The following HSF2 variants were observed in gnomAD, a reference collection of about 807,000 sequenced individuals.
HSF2 encodes the protein heat shock factor protein 2.
Under a neutral mutation model 65.0 loss-of-function variants are expected in HSF2, and 21 were observed. The observed-to-expected ratio is 0.32, with a 90% CI of 0.23 to 0.47. HSF2 has a LOEUF of 0.47. Among genes scored for constraint, HSF2 ranks in the 20% least tolerant of loss-of-function variants. The pLI is 1.00. For missense variants in HSF2, 499 were observed against 628.1 expected, an observed-to-expected ratio of 0.79 and a Z score of 2.20; for synonymous variants, 225 against 219.1, an observed-to-expected ratio of 1.03 and a Z score of -0.24.
intron 1 of HSF2, among the ~76,000 whole-genome samples, chr6:122,410,035 T>G (rs1368556560): frequency 6.6e-6 from 1 of 152,022 alleles, no homozygotes; most frequent in Non-Finnish European, 1.5e-5. Context: ...TCACTTCTTC[T>G]TTTGTACTAA....
At chr6:122,399,870 A>G in intron 1 of HSF2, 40 bp downstream of exon 1, 1 of 1,429,522 alleles carries the variant, frequency 7.0e-7, no homozygotes, top group Non-Finnish European at 9.8e-7. Context: ...CCCCTGAATA[A>G]CCGCCTCCTC....
At chr6:122,407,457 A>G (rs1773892487) in intron 1 of HSF2, among the ~76,000 whole-genome samples, 1 of 152,132 alleles carries the variant, frequency 6.6e-6, no homozygotes, top group African/African-American at 2.4e-5. Context: ...TTACCAATCT[A>G]ATTGATGTAA....
Position 122,399,698 on chromosome 6 carries a change from G to T in HSF2, c.-40G>T, listed in dbSNP as rs1194221368. On this transcript the variant is annotated 5_prime_UTR_variant, in exon 1 of 13. Transcript: ENST00000368455. ...TAGCTGCCGCCGCCGCTACCACCGC[G>T]TTCGGGTGTAGAATTTGGAATCCCT... 6.8e-7 allele frequency: 1 copy of T among 1,481,460 alleles called. No homozygotes were observed. 91.8% of individuals were successfully genotyped at this position (1,481,460 alleles called of 1,614,324 possible). A position where few individuals can be genotyped will look rare whatever the true frequency, so the allele number is the denominator to read the frequency against.
intron 10 of HSF2, among the ~76,000 whole-genome samples, chr6:122,425,156 A>G (rs1018464166): frequency 2.6e-5 from 4 of 152,016 alleles, no homozygotes; most frequent in Non-Finnish European, 4.4e-5. Context: ...CCATTTTGAC[A>G]TCTTGCTTTG....
chr6:122,431,464 A>G lies in HSF2; in HGVS notation c.1265A>G (p.Asn422Ser). 1 of 1,589,838 alleles carries G rather than the reference A, an allele frequency of 6.3e-7. No individual in the cohort carries two copies. Among genetic ancestry groups the G allele is most frequent in the Non-Finnish European group, 8.6e-7 (1 of 1,163,870 alleles). ...ENKGLETTKN[N>S]VVQPVSEEGR... ...AAAGGATTAGAAACTACCAAGAACAATGTAGTTCAGCCAGTTTCGGAAGAG... is the reference window on the plus strand; with the variant it reads ...AAAGGATTAGAAACTACCAAGAACAGTGTAGTTCAGCCAGTTTCGGAAGAG... The change falls in exon 12 of 13, where the codon AAT becomes AGT. Residue 422 changes from asparagine (N) to serine (S), a missense_variant. Asn to Ser is a conservative substitution (Grantham distance 46). Coordinates refer to ENST00000368455, the MANE Select transcript of HSF2 (RefSeq NM_004506.4).
At chr6:122,428,105 G>A (rs1774378000) in intron 11 of HSF2, 149 bp downstream of exon 11, 3 of 481,094 alleles carry the variant, frequency 6.2e-6, no homozygotes, top group Non-Finnish European at 7.3e-6. Flanking sequence ...AATTCTAGTT[G>A]AAAAATTAGC....
chr6:122,403,418 C>A (rs192109996), intron 1 of HSF2, among the ~76,000 whole-genome samples: 5 of 152,142 alleles, frequency 3.3e-5, no homozygotes, highest in African/African-American at 7.2e-5. Flanking sequence ...CCAGCCTGGG[C>A]AACATGGTGA....
At chr6:122,428,207 C>T (rs905915442) in intron 11 of HSF2, among the ~76,000 whole-genome samples, 2 of 151,980 alleles carry the variant, frequency 1.3e-5, no homozygotes, top group African/African-American at 2.4e-5. Context: ...TGGGAGATCA[C>T]CTGACTAAAC....
intron 1 of HSF2, among the ~76,000 whole-genome samples, chr6:122,401,953 C>A (rs976889139): frequency 2.6e-5 from 4 of 152,182 alleles, no homozygotes; most frequent in African/African-American, 9.7e-5. Context: ...ATAAGCTTGT[C>A]CAACCCGAGG....
chr6:122,405,349 T>G (rs1416194878), intron 1 of HSF2, among the ~76,000 whole-genome samples: 1 of 151,692 alleles, frequency 6.6e-6, no homozygotes, highest in Non-Finnish European at 1.5e-5. Flanking sequence ...CAAGATAAAC[T>G]GTGTGTCGGT....
At chr6:122,420,688 G>T (rs1217198870) in intron 7 of HSF2, among the ~76,000 whole-genome samples, 9 of 42,014 alleles carry the variant, frequency 2.1e-4, no homozygotes, top group Admixed American at 5.6e-4. Context: ...TAGCGATTTA[G>T]TTTATTCATT....
intron 11 of HSF2, among the ~76,000 whole-genome samples, chr6:122,428,350 C>T (rs1275662824): frequency 6.6e-6 from 1 of 151,836 alleles, no homozygotes; most frequent in African/African-American, 2.4e-5. Context: ...TGAGTTCTAT[C>T]ATTAGCATAA....
intron 5 of HSF2, among the ~76,000 whole-genome samples, chr6:122,418,605 T>G (rs969804938): frequency 6.6e-6 from 1 of 152,104 alleles, no homozygotes; most frequent in African/African-American, 2.4e-5. Context: ...GACAATAAAC[T>G]TTTATCTTTT....
At chr6:122,413,396 A>G in intron 3 of HSF2, 129 bp from the exon 4 acceptor site, 1 of 636,408 alleles carries the variant, frequency 1.6e-6, no homozygotes, top group East Asian at 2.9e-5. Flanking sequence ...CTAGCATTTC[A>G]TCCCGGGCTT....
chr6:122,409,183 G>A (rs1247967420), intron 1 of HSF2, among the ~76,000 whole-genome samples: 1 of 151,908 alleles, frequency 6.6e-6, no homozygotes, highest in Non-Finnish European at 1.5e-5. Flanking sequence ...TTTGATAGGT[G>A]GAAGAAAATT....
At chr6:122,407,699 C>G (rs965670697) in intron 1 of HSF2, among the ~76,000 whole-genome samples, 1 of 152,066 alleles carries the variant, frequency 6.6e-6, no homozygotes, top group East Asian at 1.9e-4. Flanking sequence ...TTGTCTAGCA[C>G]CTTTACTGAG....
In HSF2 at chr6:122,432,583, A is replaced by G. The variant is rs1429921644; in HGVS notation, c.*363A>G. On this transcript the variant is annotated 3_prime_UTR_variant, in exon 13 of 13. Transcript: ENST00000368455. Reference sequence around the variant, plus strand: ...ATGCTGTCTATTTGCATTGAGTGTAAGTCATTTGAACTAATGGTATAACTC... The same window carrying G: ...ATGCTGTCTATTTGCATTGAGTGTAGGTCATTTGAACTAATGGTATAACTC... 1 of 181,954 alleles carries G rather than the reference A, an allele frequency of 5.5e-6. No individual in the cohort carries two copies. Among genetic ancestry groups the G allele is most frequent in the Non-Finnish European group, 1.2e-5 (1 of 86,430 alleles). 11.3% of individuals were successfully genotyped at this position (181,954 alleles called of 1,614,324 possible). A position where few individuals can be genotyped will look rare whatever the true frequency, so the allele number is the denominator to read the frequency against.
chr6:122,425,761 T>G (rs1395573361), intron 10 of HSF2, among the ~76,000 whole-genome samples: 1 of 152,036 alleles, frequency 6.6e-6, no homozygotes, highest in Non-Finnish European at 1.5e-5. Context: ...GTCTCTCTTC[T>G]TTTTCCATTC....
In HSF2 at chr6:122,418,370, C is replaced by G. The variant is rs973639991; in HGVS notation, c.532-798C>G. Reference sequence around the variant, plus strand: ...GATCCCATGATCCGAATTTCAGATTCAGCAGTTCTGTAGTAGGATTGAGAA... The same window carrying G: ...GATCCCATGATCCGAATTTCAGATTGAGCAGTTCTGTAGTAGGATTGAGAA... On this transcript the variant is annotated intron_variant, in intron 5 of 12. Coordinates refer to ENST00000368455, the MANE Select transcript of HSF2 (RefSeq NM_004506.4). Among the ~76,000 whole-genome samples, 3 of 152,164 alleles carry G rather than the reference C, an allele frequency of 2.0e-5. No homozygotes were observed. The East Asian group carries it at 5.8e-4, about 29-fold the overall frequency.
Sources: gnomAD v4.1 joint callset for allele counts (sites outside exome capture counted in the v4.1 genomes callset) on GRCh38, gnomAD v4.1.1 for gene constraint, MANE v1.5 for transcripts, NCBI Gene and HGNC (gene_info 2026-07-23, HGNC 2026-07-21) for gene names.